Variants in FNDC3A observed in about 807,000 individuals in gnomAD.
FNDC3A encodes fibronectin type III domain containing 3A, also known as fibronectin type-III domain-containing protein 3A.
Under a neutral mutation model 148.9 loss-of-function variants are expected in FNDC3A, and 32 were observed. The observed-to-expected ratio is 0.21, with a 90% confidence interval of 0.16 to 0.29. FNDC3A has a LOEUF of 0.29. Among genes scored for constraint, FNDC3A ranks in the 10% least tolerant of loss-of-function variants. The pLI is 1.00. For synonymous variants in FNDC3A, 472 were observed against 473.6 expected (o/e 1.00, Z 0.04); for missense variants, 1,191 against 1,452.8 (o/e 0.82, Z 2.93).
chr13:48,997,569 T>TAGA (rs1054318034), intron 1 of FNDC3A, among the ~76,000 whole-genome samples: 2 of 151,974 alleles, frequency 1.3e-5, no homozygotes, highest in African/African-American at 4.8e-5. Context: ...TTAGTGTCCT[T>TAGA]AGAAGAAGAA....
intron 3 of FNDC3A, among the ~76,000 whole-genome samples, chr13:49,108,940 A>G (rs536766287): frequency 2.6e-5 from 4 of 152,278 alleles, no homozygotes; most frequent in Admixed American, 6.5e-5. Flanking sequence ...ATTGAGACCT[A>G]TTTCTCTAGG....
intron 2 of FNDC3A, among the ~76,000 whole-genome samples, chr13:49,073,806 AT>A (rs1877899356): frequency 2.0e-5 from 3 of 146,822 alleles, no homozygotes; most frequent in African/African-American, 7.4e-5. Flanking sequence ...ATATGTATAT[AT>A]ATTATATATG....
intron 2 of FNDC3A, among the ~76,000 whole-genome samples, chr13:49,036,535 A>G (rs1304495510): frequency 6.6e-6 from 1 of 152,200 alleles, no homozygotes; most frequent in African/African-American, 2.4e-5. Context: ...CATTTGTTCA[A>G]CCTATGTTTT....
intron 2 of FNDC3A, among the ~76,000 whole-genome samples, chr13:49,063,866 C>T (rs1242566940): frequency 6.6e-6 from 1 of 152,008 alleles, no homozygotes; most frequent in Admixed American, 6.6e-5. Flanking sequence ...TATAATAATT[C>T]TTCTACTTAA....
At chr13:49,093,647 A>G (rs1879331930) in intron 3 of FNDC3A, among the ~76,000 whole-genome samples, 1 of 152,190 alleles carries the variant, frequency 6.6e-6, no homozygotes, top group South Asian at 2.1e-4. Context: ...CAGTTACCTT[A>G]CAGTGACTTC....
At chr13:49,116,230 C>G (rs1047325655) in intron 4 of FNDC3A, among the ~76,000 whole-genome samples, 2 of 152,176 alleles carry the variant, frequency 1.3e-5, no homozygotes, top group African/African-American at 4.8e-5. Flanking sequence ...CTGAGCCTTT[C>G]CAGGTGCTTC....
rs7324023 is a variant in FNDC3A at position 49,198,706 on chromosome 13, C to T, written c.2987+132C>T. The T allele has an allele frequency of 2.3e-3, 1,631 of 706,536 alleles. 13 individuals carry two copies. In the African/African-American group the frequency reaches 0.026, roughly 11 times the overall value. The allele number at this position is 706,536 out of a possible 1,614,324, so 43.8% of individuals were successfully genotyped here. On this transcript the variant is annotated intron_variant, in intron 23 of 25. Transcript: ENST00000492622. ...CAGCACTTTGGGAGGCTGAGGCAGG[C>T]GAATTGCTTGAGCCCAGGAGTGCAA...
Position 49,167,228 on chromosome 13 carries a change from A to AC in FNDC3A, c.978-13dup. Reference sequence around the variant, plus strand: ...CTTTATTTATCAGACATGATATATTACCCTTTTTTCCCCAGAGGAGAAGAA... The same window carrying AC: ...CTTTATTTATCAGACATGATATATTACCCCTTTTTTCCCCAGAGGAGAAGAA... On this transcript the variant is annotated splice_polypyrimidine_tract_variant and intron_variant, in intron 8 of 25. Transcript: ENST00000492622. 1.3e-6 allele frequency: 2 copies of AC among 1,546,258 alleles called. No individual in the cohort carries two copies. The highest frequency in any genetic ancestry group is 1.8e-6 in the Non-Finnish European group (2 of 1,124,472).
At chr13:49,010,246 CCCTGGTAG>C (rs1952310912) in intron 2 of FNDC3A, among the ~76,000 whole-genome samples, 1 of 152,098 alleles carries the variant, frequency 6.6e-6, no homozygotes, top group Admixed American at 6.5e-5. Flanking sequence ...TAAGGGTGAT[CCCTGGTAG>C]CCTGGTACCT....
rs114295685 is a variant in FNDC3A at position 49,004,127 on chromosome 13, G to C, written c.-39-2025G>C. 8.3e-3 allele frequency among the ~76,000 whole-genome samples: 1,262 copies of C among 152,094 alleles called. 20 individuals are homozygous for C. Among genetic ancestry groups the C allele is most frequent in the African/African-American group, 0.029 (1,193 of 41,496 alleles). On this transcript the variant is annotated intron_variant, in intron 1 of 25. Transcript: ENST00000492622. ...GTTACATTATAAAAATTAAAAATAAGTGTATAACTAAAACTAAGAGGGTAT... is the reference window on the plus strand; with the variant it reads ...GTTACATTATAAAAATTAAAAATAACTGTATAACTAAAACTAAGAGGGTAT...
At chr13:49,024,182 A>G (rs1873533444) in intron 2 of FNDC3A, among the ~76,000 whole-genome samples, 1 of 152,054 alleles carries the variant, frequency 6.6e-6, no homozygotes, top group Non-Finnish European at 1.5e-5. Context: ...AACAAGAAGA[A>G]GTAGAAAACC....
At chr13:49,186,145 G>T in intron 15 of FNDC3A, 43 bp downstream of exon 15, 1 of 1,468,232 alleles carries the variant, frequency 6.8e-7, no homozygotes. Context: ...TTTTGCGTTT[G>T]ATTAAAATAA....
At chr13:49,056,629 T>C (rs758470323) in intron 2 of FNDC3A, among the ~76,000 whole-genome samples, 6 of 152,198 alleles carry the variant, frequency 3.9e-5, no homozygotes, top group Non-Finnish European at 5.9e-5. Flanking sequence ...ACTTCCTTTC[T>C]ATATTTTACA....
At chr13:49,190,523 A>G (rs1397065800) in intron 17 of FNDC3A, among the ~76,000 whole-genome samples, 2 of 152,204 alleles carry the variant, frequency 1.3e-5, no homozygotes, top group Non-Finnish European at 2.9e-5. Context: ...ATCTCTAAAA[A>G]TAAATAAATA....
rs1290686447 is a variant in FNDC3A at position 49,156,755 on chromosome 13, T to G, written c.978-10489T>G. Among the ~76,000 whole-genome samples the G allele has an allele frequency of 7.1e-5, 10 of 141,342 alleles. No homozygotes were observed. In the South Asian group the frequency reaches 7.3e-4, roughly 10 times the overall value. 92.7% of individuals were successfully genotyped at this position (141,342 alleles called of 152,430 possible). On this transcript the variant is annotated intron_variant, in intron 8 of 25. Transcript: ENST00000492622. ...TCTCAGCATTTGCTTGTCTGTAAAG[T>G]ATTTTATTTCTCCTTCACTTATGAA...
chr13:49,208,796 G>A lies in FNDC3A; in HGVS notation c.*1401G>A, dbSNP rs969122111. ...AATTTATTATTTGAATTTTAGGATA[G>A]CGAATCACTAATTTTTAGTTGCTGA... On this transcript the variant is annotated 3_prime_UTR_variant, in exon 26 of 26. Transcript: ENST00000492622. The A allele has an allele frequency of 3.3e-5, 5 of 152,704 alleles. No individual in the cohort carries two copies. In the South Asian group the frequency reaches 1.0e-3, roughly 32 times the overall value. 9.5% of individuals were successfully genotyped at this position (152,704 alleles called of 1,614,324 possible). A position where few individuals can be genotyped will look rare whatever the true frequency, so the allele number is the denominator to read the frequency against.
chr13:49,105,403 C>T (rs1203851381), intron 3 of FNDC3A, among the ~76,000 whole-genome samples: 5 of 152,240 alleles, frequency 3.3e-5, no homozygotes, highest in Admixed American at 2.6e-4. Context: ...CAGCAGTGTT[C>T]TGATCCATGC....
intron 15 of FNDC3A, 34 bp from the exon 16 acceptor site, chr13:49,187,088 A>T: frequency 6.7e-7 from 1 of 1,499,460 alleles, no homozygotes; most frequent in Non-Finnish European, 9.2e-7. Context: ...GTTGTTTTGT[A>T]CCTTGCCTAA....
intron 3 of FNDC3A, among the ~76,000 whole-genome samples, chr13:49,107,848 A>G (rs1220921224): frequency 6.6e-6 from 1 of 152,194 alleles, no homozygotes; most frequent in Non-Finnish European, 1.5e-5. Context: ...TACTAAATTT[A>G]TAAACATGCC....
Sources: allele counts gnomAD v4.1 joint callset (sites outside exome capture counted in the v4.1 genomes callset), GRCh38; gene constraint gnomAD v4.1.1; transcripts MANE v1.5; gene names NCBI Gene and HGNC (gene_info 2026-07-23, HGNC 2026-07-21).